PXK: variants seen among roughly 807,000 people sequenced by gnomAD.
The protein encoded by PXK is PX domain containing serine/threonine kinase like.
In PXK, 35 loss-of-function variants were observed where a neutral mutation model predicts 84.7. The ratio of observed to expected loss-of-function variants is 0.41; its 90% CI spans 0.32 to 0.55. The LOEUF is 0.55. Among genes scored for constraint, PXK ranks in the 20% least tolerant of loss-of-function variants. The pLI, the probability that PXK is intolerant of heterozygous loss-of-function variation, is 0.21. For synonymous variants in PXK, 253 were observed against 260.8 expected (o/e 0.97, Z 0.29); for missense variants, 634 against 699.7 (o/e 0.91, Z 1.06).
chr3:58,341,691 A>ATTTTC (rs199544010), intron 1 of PXK, among the ~76,000 whole-genome samples: 19 of 147,600 alleles, frequency 1.3e-4, no homozygotes, highest in African/African-American at 3.1e-4. Flanking sequence ...ATCTTAGAAC[A>ATTTTC]TTTTCTTTTC....
chr3:58,338,756 G>T (rs1321078297), intron 1 of PXK, among the ~76,000 whole-genome samples: 1 of 150,684 alleles, frequency 6.6e-6, no homozygotes, highest in Non-Finnish European at 1.5e-5. Context: ...CGCGATCTCG[G>T]CTCACCGCAA....
intron 1 of PXK, among the ~76,000 whole-genome samples, chr3:58,343,501 G>A (rs1248665730): frequency 2.6e-5 from 4 of 152,214 alleles, no homozygotes; most frequent in Admixed American, 2.6e-4. Context: ...TTTGGTGAGT[G>A]TTGTGGTCTC....
intron 3 of PXK, among the ~76,000 whole-genome samples, chr3:58,374,477 C>T (rs1406219459): frequency 1.3e-5 from 2 of 152,130 alleles, no homozygotes; most frequent in Non-Finnish European, 2.9e-5. Flanking sequence ...CCTGGCCTCC[C>T]CTTTCCATTT....
intron 1 of PXK, among the ~76,000 whole-genome samples, chr3:58,362,435 C>T (rs962134567): frequency 6.6e-6 from 1 of 152,172 alleles, no homozygotes; most frequent in Admixed American, 6.5e-5. Context: ...TCCAATTGCT[C>T]TGACACGTGA....
At chr3:58,422,161 G>A (rs2061985670) in intron 17 of PXK, 3 of 985,272 alleles carry the variant, frequency 3.0e-6, no homozygotes, top group African/African-American at 1.7e-5. Flanking sequence ...ACCATGGAAA[G>A]GGCCAAAAGG....
intron 1 of PXK, among the ~76,000 whole-genome samples, chr3:58,348,522 TA>T (rs971277183): frequency 3.3e-5 from 5 of 152,210 alleles, no homozygotes; most frequent in East Asian, 1.9e-4. Flanking sequence ...GTAGCCATGT[TA>T]AAAAAGTAAA....
At chr3:58,386,594 C>G (rs2098554187) in intron 4 of PXK, among the ~76,000 whole-genome samples, 1 of 152,124 alleles carries the variant, frequency 6.6e-6, no homozygotes. Context: ...TGCACCTGGC[C>G]TACAATATTC....
intron 1 of PXK, among the ~76,000 whole-genome samples, chr3:58,337,588 G>A (rs71311856): frequency 0.072 from 10,930 of 152,042 alleles, 508 homozygotes; most frequent in Middle Eastern, 0.089. Context: ...TCCTGCCTCA[G>A]CCTCCTGAGT....
In PXK at chr3:58,397,957, A is replaced by T. The variant is rs912558363; in HGVS notation, c.1102+235A>T. On this transcript the variant is annotated intron_variant, in intron 11 of 17. Coordinates refer to ENST00000356151, the MANE Select transcript of PXK (RefSeq NM_017771.5). This position sits in a 1 kb window ranked among gnomAD's most constrained non-coding sequence, Gnocchi z 4.7. ...TGAAATTTCTGGGAACTTTTTGCAAAATGCTTTAGAGCTTTGGAAGCAGGA... is the reference window on the plus strand; with the variant it reads ...TGAAATTTCTGGGAACTTTTTGCAATATGCTTTAGAGCTTTGGAAGCAGGA... 6.6e-6 allele frequency among the ~76,000 whole-genome samples: 1 copy of T among 152,216 alleles called. No individual in the cohort carries two copies. The highest frequency in any genetic ancestry group is 1.5e-5 in the Non-Finnish European group (1 of 68,044).
At chr3:58,402,001 T>G (rs75251860) in intron 12 of PXK, among the ~76,000 whole-genome samples, 2,780 of 152,038 alleles carry the variant, frequency 0.018, 81 homozygotes, top group African/African-American at 0.063. Flanking sequence ...GATGGGAGGA[T>G]TGATTGAGCC....
chr3:58,367,943 C>T (rs559541697), intron 2 of PXK, among the ~76,000 whole-genome samples: 1 of 152,316 alleles, frequency 6.6e-6, no homozygotes, highest in African/African-American at 2.4e-5. Context: ...CCTTAGCCTC[C>T]CAAAGTGCTG....
chr3:58,370,256 A>G lies in PXK; in HGVS notation c.201+778A>G, dbSNP rs1033499061. On this transcript the variant is annotated intron_variant, in intron 3 of 17. Transcript: ENST00000356151. This position sits in a 1 kb window ranked among gnomAD's most constrained non-coding sequence, Gnocchi z 4.2. ...TGTAGTTAGAAATCCCTTTGTTTTA[A>G]ATGTTCCTAACTTGAGGGCCATAAT... Among the ~76,000 whole-genome samples, 3 of 152,158 alleles carry G rather than the reference A, an allele frequency of 2.0e-5. No individual in the cohort carries two copies. The highest frequency in any genetic ancestry group is 2.9e-5 in the Non-Finnish European group (2 of 68,022).
chr3:58,409,473 G>A lies in PXK; in HGVS notation c.1309-59G>A. The A allele has an allele frequency of 6.8e-7, 1 of 1,480,530 alleles. No homozygotes were observed. Among genetic ancestry groups the A allele is most frequent in the South Asian group, 1.2e-5 (1 of 83,696 alleles). The allele number at this position is 1,480,530 out of a possible 1,614,324, so 91.7% of individuals were successfully genotyped here. A position where few individuals can be genotyped will look rare whatever the true frequency, so the allele number is the denominator to read the frequency against. ...TGGTTTGCCAAAACATGTTGGAGAA[G>A]ATTTTCATTAGGAAGCTGCCTTATG... On this transcript the variant is annotated intron_variant, in intron 14 of 17. Coordinates refer to ENST00000356151, the MANE Select transcript of PXK (RefSeq NM_017771.5). This position sits in a 1 kb window ranked among gnomAD's most constrained non-coding sequence, Gnocchi z 4.2.
intron 17 of PXK, chr3:58,422,605 C>T: frequency 3.0e-6 from 3 of 985,410 alleles, no homozygotes; most frequent in Non-Finnish European, 3.6e-6. Flanking sequence ...CTGAACCCCA[C>T]CCTCAACTCC....
intron 1 of PXK, among the ~76,000 whole-genome samples, chr3:58,357,660 C>T (rs1267336283): frequency 6.6e-6 from 1 of 152,114 alleles, no homozygotes; most frequent in African/African-American, 2.4e-5. Flanking sequence ...CTTATTAGAC[C>T]TTGGCCAGGC....
At position 58,409,647 on chromosome 3, in the gene PXK, C is replaced by T; in HGVS notation, c.1395+29C>T. 1 of 1,560,884 alleles carries T rather than the reference C, an allele frequency of 6.4e-7. No individual in the cohort carries two copies. Among genetic ancestry groups the T allele is most frequent in the Non-Finnish European group, 8.8e-7 (1 of 1,141,272 alleles). ...AGCCTGCTGTCTCTCTGCAGTCCCT[C>T]TATGAGTTCTTGAGTACATGTGAAG... On this transcript the variant is annotated intron_variant, in intron 15 of 17. Coordinates refer to ENST00000356151, the MANE Select transcript of PXK (RefSeq NM_017771.5). The surrounding 1 kb of genome is among the most constrained non-coding windows in gnomAD (Gnocchi z 4.2).
chr3:58,339,095 C>T (rs767229015), intron 1 of PXK, among the ~76,000 whole-genome samples: 5 of 152,100 alleles, frequency 3.3e-5, no homozygotes, highest in Non-Finnish European at 7.4e-5. Context: ...CTGAGATGGA[C>T]GCAGTCGGAA....
intron 1 of PXK, among the ~76,000 whole-genome samples, chr3:58,352,726 A>G (rs1339041203): frequency 1.3e-5 from 2 of 152,162 alleles, no homozygotes; most frequent in African/African-American, 4.8e-5. Context: ...TTCTGTAGTC[A>G]TGTTTGAGGT....
At position 58,333,676 on chromosome 3, in the gene PXK, G is replaced by T; in HGVS notation, c.102+586G>T. ...AAGTGGTGGGGGCGGCAGTCGGGGC[G>T]CTGTTAAGCAGGTGTATGAATGTGC... On this transcript the variant is annotated intron_variant, in intron 1 of 17. Transcript: ENST00000356151. The surrounding 1 kb of genome is among the most constrained non-coding windows in gnomAD (Gnocchi z 5.4). 2.2e-6 allele frequency: 1 copy of T among 456,410 alleles called. No individual in the cohort carries two copies. Among genetic ancestry groups the T allele is most frequent in the South Asian group, 1.5e-5 (1 of 64,536 alleles). The allele number at this position is 456,410 out of a possible 1,614,324, so 28.3% of individuals were successfully genotyped here.
Sources: gnomAD v4.1 joint callset for allele counts (sites outside exome capture counted in the v4.1 genomes callset) on GRCh38, gnomAD v4.1.1 for gene constraint, Gnocchi (gnomAD v3.1) non-coding constraint, MANE v1.5 for transcripts, NCBI Gene and HGNC (gene_info 2026-07-23, HGNC 2026-07-21) for gene names.